The following MKLN1 variants were observed in gnomAD, a reference collection of about 807,000 sequenced individuals.
The protein encoded by MKLN1 is muskelin.
MKLN1 carries 18 observed loss-of-function variants against 99.0 expected under a neutral mutation model. That is an observed-to-expected ratio of 0.18 (90% CI 0.13 to 0.27). MKLN1 has a LOEUF of 0.27. MKLN1 is among the 10% of genes least tolerant of loss of function. The pLI is 1.00. For missense variants in MKLN1, 621 were observed against 875.9 expected (o/e 0.71, Z 3.67); for synonymous variants, 288 against 293.2 (o/e 0.98, Z 0.18).
chr7:131,444,718 GAGTAGTAGTAGT>G (rs60571380), intron 11 of MKLN1, among the ~76,000 whole-genome samples: 57,099 of 128,550 alleles, frequency 0.44, 13,171 homozygotes, highest in East Asian at 0.55. Flanking sequence ...CCTGGGTTTT[GAGTAGTAGTAGT>G]AGTAGTAGTA....
At chr7:131,303,858 CA>C (rs766370515) in intron 3 of MKLN1, among the ~76,000 whole-genome samples, 1 of 151,966 alleles carries the variant, frequency 6.6e-6, no homozygotes, top group African/African-American at 2.4e-5. Flanking sequence ...ATTTACGGAC[CA>C]AAAAAACTGG....
At chr7:131,445,750 C>CTTTT (rs748046772) in intron 11 of MKLN1, 24 bp from the exon 12 acceptor site, 2 of 1,221,102 alleles carry the variant, frequency 1.6e-6, no homozygotes, top group Non-Finnish European at 2.2e-6. Flanking sequence ...TTACTCCTTT[C>CTTTT]TTTTTTTTTT....
chr7:131,116,595 C>G (rs1186215313), intron 1 of MKLN1, among the ~76,000 whole-genome samples: 1 of 151,816 alleles, frequency 6.6e-6, no homozygotes, highest in Non-Finnish European at 1.5e-5. Context: ...TTGACTAAAT[C>G]ATTACTTTGA....
chr7:131,160,095 AC>A (rs1338737105), intron 2 of MKLN1, among the ~76,000 whole-genome samples: 12 of 152,106 alleles, frequency 7.9e-5, no homozygotes, highest in Admixed American at 3.3e-4. Flanking sequence ...CTAACCACAG[AC>A]CCTGGCAACC....
intron 17 of MKLN1, among the ~76,000 whole-genome samples, chr7:131,486,507 T>G (rs773827943): frequency 7.9e-5 from 12 of 152,142 alleles, no homozygotes; most frequent in Non-Finnish European, 1.5e-5. Flanking sequence ...TCCTTGGCAA[T>G]GTTATGGTCT....
At chr7:131,144,996 CACAACAACA>C (rs750299622) in intron 2 of MKLN1, among the ~76,000 whole-genome samples, 32 of 151,734 alleles carry the variant, frequency 2.1e-4, no homozygotes, top group African/African-American at 5.6e-4. Context: ...CAACAACAAC[CACAACAACA>C]ACAACAACAA....
rs1033414674 is a variant in MKLN1 at position 131,242,926 on chromosome 7, G to A, written c.-179+39952G>A. On this transcript the variant is annotated intron_variant, in intron 3 of 7. Coordinates refer to the MKLN1 transcript ENST00000416992. ...CCTACTCTTAAACACAAGGCCCGATGAGAGGCCAAGGTCAAGTTTGAAGAG... is the reference window on the plus strand; with the variant it reads ...CCTACTCTTAAACACAAGGCCCGATAAGAGGCCAAGGTCAAGTTTGAAGAG... 24 of 656,850 alleles carry A rather than the reference G, an allele frequency of 3.7e-5. No individual in the cohort carries two copies. The African/African-American group carries it at 3.8e-4, about 10-fold the overall frequency. 40.7% of individuals were successfully genotyped at this position (656,850 alleles called of 1,614,324 possible).
At chr7:131,152,808 G>A (rs1458325972) in intron 2 of MKLN1, among the ~76,000 whole-genome samples, 1 of 151,798 alleles carries the variant, frequency 6.6e-6, no homozygotes, top group Non-Finnish European at 1.5e-5. Flanking sequence ...ATCCAAATAA[G>A]GTTCATACAC....
chr7:131,376,556 C>T (rs564342517), intron 2 of MKLN1, among the ~76,000 whole-genome samples: 3 of 150,312 alleles, frequency 2.0e-5, no homozygotes, highest in South Asian at 2.1e-4. Flanking sequence ...GCAGGAGAAT[C>T]GTTTGAACCC....
intron 3 of MKLN1, among the ~76,000 whole-genome samples, chr7:131,304,446 A>G (rs1798423852): frequency 6.6e-6 from 1 of 152,212 alleles, no homozygotes; most frequent in Non-Finnish European, 1.5e-5. Flanking sequence ...CTAGATTGAG[A>G]TGTGTAAACA....
chr7:131,287,105 TCAAAA>T (rs60492108), intron 3 of MKLN1, among the ~76,000 whole-genome samples: 1 of 151,544 alleles, frequency 6.6e-6, no homozygotes, highest in Non-Finnish European at 1.5e-5. Context: ...AAACCCTGTC[TCAAAA>T]CAAAACAAAA....
intron 3 of MKLN1, among the ~76,000 whole-genome samples, chr7:131,240,222 T>C (rs529404663): frequency 3.3e-5 from 5 of 151,956 alleles, no homozygotes; most frequent in East Asian, 1.9e-4. Flanking sequence ...ATAAGTAAAG[T>C]TCCCCCCCGC....
At position 131,443,625 on chromosome 7, in the gene MKLN1, C is replaced by G. The variant is rs201682593; in HGVS notation, c.1318C>G (p.Leu440Val). The change falls in exon 11 of 18, where the codon CTT becomes GTT. Residue 440 changes from leucine (L) to valine (V), a missense_variant. By Grantham distance (32) the Leu-to-Val change is conservative. This residue lies in a region of MKLN1 where 361 missense variants were observed against 540.8 expected (regional missense o/e 0.67). Coordinates refer to ENST00000352689, the MANE Select transcript of MKLN1 (RefSeq NM_013255.5). Reference sequence around the variant, plus strand: ...CAACTGTCAATGTCAAACCTGGAAACTTCTTCGAGAGGACTCCTGTAATGC... The same window carrying G: ...CAACTGTCAATGTCAAACCTGGAAAGTTCTTCGAGAGGACTCCTGTAATGC... ...AFNCQCQTWK[L>V]LREDSCNAGP... 158 of 1,614,152 alleles carry G rather than the reference C, an allele frequency of 9.8e-5. 1 individual carries two copies. In the South Asian group the frequency reaches 1.3e-3, roughly 13 times the overall value.
At chr7:131,128,991 G>A (rs1164275788) in intron 1 of MKLN1, among the ~76,000 whole-genome samples, 1 of 148,508 alleles carries the variant, frequency 6.7e-6, no homozygotes, top group Non-Finnish European at 1.5e-5. Flanking sequence ...AAGCGGTAGT[G>A]TCTTTAACAT....
At chr7:131,282,659 T>C (rs1294279578) in intron 3 of MKLN1, among the ~76,000 whole-genome samples, 3 of 152,108 alleles carry the variant, frequency 2.0e-5, no homozygotes, top group African/African-American at 7.2e-5. Flanking sequence ...TTAATTTTCT[T>C]ATTTCCTTTT....
Position 131,399,381 on chromosome 7 carries a change from G to A in MKLN1, c.651G>A (p.Val217=), listed in dbSNP as rs762793530. The change falls in exon 6 of 18, where the codon GTG becomes GTA. Residue 217 remains valine (V), a synonymous_variant. Coordinates refer to ENST00000352689, the MANE Select transcript of MKLN1 (RefSeq NM_013255.5). ...PMLTDIHDKL[V]LKGDFDACEE... ...TAACAGATATTCATGACAAGCTGGTGTTGAAGGGTGATTTTGATGCTTGCG... is the reference window on the plus strand; with the variant it reads ...TAACAGATATTCATGACAAGCTGGTATTGAAGGGTGATTTTGATGCTTGCG... 2 of 1,614,050 alleles carry A rather than the reference G, an allele frequency of 1.2e-6. No homozygotes were observed. Among genetic ancestry groups the A allele is most frequent in the Admixed American group, 1.7e-5 (1 of 60,026 alleles).
At chr7:131,192,701 CCTG>C (rs1227500222) in intron 2 of MKLN1, among the ~76,000 whole-genome samples, 2 of 151,598 alleles carry the variant, frequency 1.3e-5, no homozygotes, top group East Asian at 3.9e-4. Flanking sequence ...ACCACCACGC[CCTG>C]CTAATTTTTG....
At chr7:131,353,271 G>T (rs769099816) in intron 1 of MKLN1, among the ~76,000 whole-genome samples, 58 of 152,026 alleles carry the variant, frequency 3.8e-4, no homozygotes, top group Non-Finnish European at 7.4e-4. Flanking sequence ...TGAGCATTTG[G>T]TGTCATCACT....
chr7:131,428,073 G>T (rs1745658998), intron 8 of MKLN1, among the ~76,000 whole-genome samples: 1 of 151,992 alleles, frequency 6.6e-6, no homozygotes, highest in South Asian at 2.1e-4. Context: ...CGAGAGGCTG[G>T]GGTGGAGGGA....
Sources: gnomAD v4.1 joint callset for allele counts (sites outside exome capture counted in the v4.1 genomes callset) on GRCh38, gnomAD v4.1.1 for gene constraint, gnomAD v4.1.1 regional missense constraint, MANE v1.5 for transcripts, NCBI Gene and HGNC (gene_info 2026-07-23, HGNC 2026-07-21) for gene names.